NUP43: variants seen among roughly 807,000 people sequenced by gnomAD.
NUP43 encodes nucleoporin Nup43.
Under a neutral mutation model 47.3 loss-of-function variants are expected in NUP43, and 32 were observed. That is an observed-to-expected ratio of 0.68 (90% CI 0.51 to 0.91). NUP43 has a LOEUF of 0.91. Ranked by LOEUF, NUP43 falls within the 40% of genes least tolerant of loss-of-function variation. The pLI, the probability that NUP43 is intolerant of heterozygous loss-of-function variation, is 0.00. For missense variants in NUP43, 444 were observed against 453.9 expected (o/e 0.98, Z 0.20); for synonymous variants, 147 against 158.4 (o/e 0.93, Z 0.54).
At position 149,737,902 on chromosome 6, in the gene NUP43, G is replaced by A. The variant is rs145060533; in HGVS notation, c.638+741C>T. 2.2e-4 allele frequency among the ~76,000 whole-genome samples: 34 copies of A among 152,210 alleles called. 1 individual carries two copies. The highest frequency in any genetic ancestry group is 7.5e-4 in the African/African-American group (31 of 41,544). On this transcript the variant is annotated intron_variant, in intron 5 of 7. Coordinates refer to ENST00000340413, the MANE Select transcript of NUP43 (RefSeq NM_198887.3). ...GACGGGGTTTCACTGTGTTGGCCAG[G>A]CTGGTATTGAACTCCTGACCTCAAG... is the stretch of plus-strand genomic sequence containing the variant.
intron 5 of NUP43, among the ~76,000 whole-genome samples, chr6:149,738,432 G>C (rs888728034): frequency 5.9e-5 from 9 of 152,168 alleles, no homozygotes; most frequent in African/African-American, 2.2e-4. Flanking sequence ...ACTTCAAAGA[G>C]TAAAGGCTCT....
At chr6:149,742,596 T>C in intron 3 of NUP43, 26 bp from the exon 4 acceptor site, 1 of 1,594,088 alleles carries the variant, frequency 6.3e-7, no homozygotes, top group Non-Finnish European at 8.6e-7. Flanking sequence ...GAGGATACTA[T>C]TAAAGCAAAG....
At chr6:149,747,831 C>T (rs192659877), upstream of NUP43, among the ~76,000 whole-genome samples, 4 of 152,244 alleles carry the variant, frequency 2.6e-5, no homozygotes, top group African/African-American at 9.6e-5. Context: ...GGACAGTTTA[C>T]GGAAGCACTG....
chr6:149,740,583 C>T lies in NUP43; in HGVS notation c.503-1805G>A, dbSNP rs143671210. The stretch of plus-strand genomic sequence containing the variant: ...GGTGGAGGTTGCAGTGAGCTGAGGT[C>T]GTGCCATTGCACTCCAGCCTGGTGA... On this transcript the variant is annotated intron_variant, in intron 4 of 7. Coordinates refer to ENST00000340413, the MANE Select transcript of NUP43 (RefSeq NM_198887.3). Among the ~76,000 whole-genome samples, 9 of 152,120 alleles carry T rather than the reference C, an allele frequency of 5.9e-5. No individual in the cohort carries two copies. The East Asian group carries it at 1.6e-3, about 26-fold the overall frequency.
intron 1 of NUP43, 57 bp from the exon 2 acceptor site, chr6:149,746,119 A>T: frequency 1.9e-6 from 3 of 1,584,352 alleles, no homozygotes; most frequent in Non-Finnish European, 2.6e-6. Context: ...TCGGAAAATA[A>T]AAGTTGTGCT....
intron 1 of NUP43, 111 bp from the exon 2 acceptor site, chr6:149,746,173 G>A: frequency 7.2e-7 from 1 of 1,387,668 alleles, no homozygotes; most frequent in Non-Finnish European, 9.9e-7. Context: ...ATGGTATGGT[G>A]AGTTTAAAAC....
At chr6:149,735,992 A>C (rs1037813411) in intron 6 of NUP43, among the ~76,000 whole-genome samples, 2 of 149,140 alleles carry the variant, frequency 1.3e-5, no homozygotes, top group African/African-American at 2.5e-5. Context: ...AAAAAAAAAA[A>C]AAAAACCAGG....
At chr6:149,736,418 A>G (rs552543178) in intron 6 of NUP43, 53 bp downstream of exon 6, 6 of 1,336,606 alleles carry the variant, frequency 4.5e-6, no homozygotes, top group East Asian at 2.4e-5. Flanking sequence ...GGTGCTTATT[A>G]TATGTCATAT....
intron 7 of NUP43, among the ~76,000 whole-genome samples, chr6:149,730,914 C>T (rs1317385453): frequency 6.6e-6 from 1 of 150,772 alleles, no homozygotes; most frequent in Non-Finnish European, 1.5e-5. Flanking sequence ...GTCCAGCCTG[C>T]ATGTCAGAGT....
At chr6:149,732,852 AAG>A (rs1785130941) in intron 6 of NUP43, among the ~76,000 whole-genome samples, 1 of 152,198 alleles carries the variant, frequency 6.6e-6, no homozygotes, top group African/African-American at 2.4e-5. Context: ...TCTCAAAAAA[AAG>A]AAAAGAAAAT....
intron 7 of NUP43, chr6:149,728,130 T>C (rs2115072288): frequency 1.0e-6 from 1 of 985,382 alleles, no homozygotes; most frequent in East Asian, 1.1e-4. Flanking sequence ...TACCATTAAT[T>C]TACTACTTTA....
chr6:149,746,131 C>A (rs968796321), intron 1 of NUP43, 69 bp from the exon 2 acceptor site: 4 of 1,554,304 alleles, frequency 2.6e-6, no homozygotes, highest in Non-Finnish European at 3.5e-6. Flanking sequence ...AGTTGTGCTC[C>A]CGTCCGGAAA....
chr6:149,739,244 C>A (rs1241251951), intron 4 of NUP43, among the ~76,000 whole-genome samples: 2 of 151,970 alleles, frequency 1.3e-5, no homozygotes, highest in Non-Finnish European at 2.9e-5. Flanking sequence ...TCCCAAAATG[C>A]TGGGATTACA....
rs1784764046 is a variant in NUP43, at chr6:149,725,530, A to T, written c.*1439T>A. ...CTTGAACCTAAGAGACGGAGGTTGC[A>T]GTGAGCTGAGATCATGCCATTTCAC... is the stretch of plus-strand genomic sequence containing the variant. On this transcript the variant is annotated 3_prime_UTR_variant, in exon 8 of 8. Coordinates refer to ENST00000340413, the MANE Select transcript of NUP43 (RefSeq NM_198887.3). 1 of 152,242 alleles carries T rather than the reference A, an allele frequency of 6.6e-6. No individual in the cohort carries two copies. Among genetic ancestry groups the T allele is most frequent in the South Asian group, 2.1e-4 (1 of 4,834 alleles). The allele number at this position is 152,242 out of a possible 1,614,324, so 9.4% of individuals were successfully genotyped here.
intron 4 of NUP43, among the ~76,000 whole-genome samples, chr6:149,740,275 C>CA (rs766447484): frequency 0.14 from 3,067 of 22,258 alleles, 880 homozygotes; most frequent in African/African-American, 0.5. Context: ...GACCCTGTCT[C>CA]AAAAAAAAAA....
chr6:149,731,111 T>C (rs1234126445), intron 7 of NUP43, among the ~76,000 whole-genome samples: 2 of 150,904 alleles, frequency 1.3e-5, no homozygotes, highest in Admixed American at 6.6e-5. Flanking sequence ...CTACTAAAAA[T>C]ACAAAAAAAT....
chr6:149,733,604 C>T (rs1785167797), intron 6 of NUP43, among the ~76,000 whole-genome samples: 1 of 152,032 alleles, frequency 6.6e-6, no homozygotes, highest in Admixed American at 6.6e-5. Context: ...TATCACCATA[C>T]CTGGCTAACT....
Position 149,743,550 on chromosome 6 carries a change from G to T in NUP43, c.321+88C>A, listed in dbSNP as rs1021070184. 4.2e-5 allele frequency: 32 copies of T among 758,850 alleles called. No homozygotes were observed. In the Admixed American group the frequency reaches 5.8e-4, roughly 14 times the overall value. The allele number at this position is 758,850 out of a possible 1,614,324, so 47.0% of individuals were successfully genotyped here. ...GTGGAGGCTGCGGTGAGCCGAGACT[G>T]CGCCACTGCACTCCAGTGCGCGGGC... On this transcript the variant is annotated intron_variant, in intron 3 of 7. Coordinates refer to ENST00000340413, the MANE Select transcript of NUP43 (RefSeq NM_198887.3).
Position 149,736,636 on chromosome 6 carries a change from T to C in NUP43, c.639-14A>G. The C allele has an allele frequency of 6.4e-7, 1 of 1,566,756 alleles. No homozygotes were observed. The highest frequency in any genetic ancestry group is 8.7e-7 in the Non-Finnish European group (1 of 1,144,196). On this transcript the variant is annotated splice_polypyrimidine_tract_variant and intron_variant, in intron 5 of 7. Coordinates refer to ENST00000340413, the MANE Select transcript of NUP43 (RefSeq NM_198887.3). Reference sequence around the variant, plus strand: ...CGGTCACCAGTCCTTTTGTGGGAGATAACAATGACGTCAAAATCAAATAAA... The same window carrying C: ...CGGTCACCAGTCCTTTTGTGGGAGACAACAATGACGTCAAAATCAAATAAA...
Sources: gnomAD v4.1 joint callset for allele counts (sites outside exome capture counted in the v4.1 genomes callset) on GRCh38, gnomAD v4.1.1 for gene constraint, MANE v1.5 for transcripts, NCBI Gene and HGNC (gene_info 2026-07-23, HGNC 2026-07-21) for gene names.